Variants in SZT2 observed in about 807,000 individuals in gnomAD.
The protein encoded by SZT2 is SZT2 subunit of KICSTOR complex.
A neutral mutation model predicts 404.2 loss-of-function variants in SZT2; 216 were observed. The ratio of observed to expected loss-of-function variants is 0.53; its 90% confidence interval spans 0.48 to 0.60. The LOEUF is 0.60. Among genes scored for constraint, SZT2 ranks in the 20% least tolerant of loss-of-function variants. The pLI is 0.00. For missense variants in SZT2, 3,857 were observed against 4,459.2 expected (o/e 0.86, Z 3.85); for synonymous variants, 1,693 against 1,749.9 (o/e 0.97, Z 0.81).
At position 43,447,860 on chromosome 1, in the gene SZT2, A is replaced by G. The variant is rs143392721; in HGVS notation, c.9452A>G (p.Tyr3151Cys). 46 of 1,613,978 alleles carry G rather than the reference A, an allele frequency of 2.9e-5. No homozygotes were observed. In the African/African-American group the frequency reaches 6.0e-4, roughly 21 times the overall value. The change falls in exon 68 of 72, where the codon TAC becomes TGC. Residue 3151 changes from tyrosine to cysteine, a missense_variant. Around this residue, in one of 7 missense-constraint regions of SZT2, gnomAD observed 717 missense variants for 868.2 expected, o/e 0.83. Coordinates refer to ENST00000634258, the MANE Select transcript of SZT2 (RefSeq NM_001365999.1). ...LVSAWHSSGSYLDSEGLRHQD... is the reference protein window; with the variant it reads ...LVSAWHSSGSCLDSEGLRHQD... ...CCCGTCCTGCACAGTTCTGGCTCCT[A>G]CCTGGACTCTGAGGGACTTCGACAC...
chr1:43,420,690 C>G lies in SZT2; in HGVS notation c.1262-59C>G, dbSNP rs964187887. 4 of 1,513,910 alleles carry G rather than the reference C, an allele frequency of 2.6e-6. No homozygotes were observed. The African/African-American group carries it at 4.1e-5, about 16-fold the overall frequency. The allele number at this position is 1,513,910 out of a possible 1,614,324, so 93.8% of individuals were successfully genotyped here. ...GTAGGTGGGGGTTTCAGATAGAACT[C>G]GATCCCAGGCCTAGAGTCCTATGCC... On this transcript the variant is annotated intron_variant, in intron 9 of 71. Transcript: ENST00000634258. The surrounding 1 kb of genome is among the most constrained non-coding windows in gnomAD (Gnocchi z 5.1).
At chr1:43,427,940 CTAA>C in intron 26 of SZT2, 60 bp from the exon 27 acceptor site, 3 of 1,452,734 alleles carry the variant, frequency 2.1e-6, no homozygotes, top group Non-Finnish European at 2.9e-6. Flanking sequence ...GTGTGGATGG[CTAA>C]TGAGTGTGAG....
intron 7 of SZT2, among the ~76,000 whole-genome samples, chr1:43,418,661 G>A (rs371608324): frequency 3.3e-5 from 5 of 152,176 alleles, no homozygotes; most frequent in South Asian, 2.1e-4. Context: ...GGCTATGATC[G>A]TAGTTGGGGT....
At chr1:43,434,326 A>C in intron 40 of SZT2, 60 bp from the exon 41 acceptor site, 1 of 1,399,534 alleles carries the variant, frequency 7.1e-7, no homozygotes, top group Non-Finnish European at 9.9e-7. Context: ...TATACATATC[A>C]TGCCATTACA....
intron 5 of SZT2, 120 bp from the exon 6 acceptor site, chr1:43,415,840 G>A: frequency 8.5e-7 from 1 of 1,172,864 alleles, no homozygotes; most frequent in Non-Finnish European, 1.2e-6. Context: ...GGGGAATTGA[G>A]GTTCTCACAG....
At position 43,453,574 on chromosome 1, in the gene SZT2, C is replaced by T; in HGVS notation, c.*3094C>T. 1 of 1,518,156 alleles carries T rather than the reference C, an allele frequency of 6.6e-7. No individual in the cohort carries two copies. Among genetic ancestry groups the T allele is most frequent in the Non-Finnish European group, 8.8e-7 (1 of 1,131,004 alleles). The allele number at this position is 1,518,156 out of a possible 1,614,324, so 94.0% of individuals were successfully genotyped here. ...CCCCGGCACCCCCCAGCCCTCCCAG[C>T]CCTCCCGGCCCGCGACGCACCCGGG... On this transcript the variant is annotated 3_prime_UTR_variant, in exon 72 of 72. Transcript: ENST00000634258.
At chr1:43,443,532 C>A in intron 61 of SZT2, 55 bp downstream of exon 61, 1 of 1,613,436 alleles carries the variant, frequency 6.2e-7, no homozygotes, top group Admixed American at 1.7e-5. Context: ...CAGTGACCCC[C>A]CTCCTCCATC....
intron 1 of SZT2, among the ~76,000 whole-genome samples, chr1:43,393,311 T>G (rs1158444333): frequency 6.6e-6 from 1 of 152,228 alleles, no homozygotes; most frequent in Admixed American, 6.5e-5. Flanking sequence ...ACTTACTGAA[T>G]GCTTACTGAG....
chr1:43,453,436 T>G lies in SZT2; in HGVS notation c.*2956T>G. 3 of 1,563,202 alleles carry G rather than the reference T, an allele frequency of 1.9e-6. No individual in the cohort carries two copies. The highest frequency in any genetic ancestry group is 2.6e-6 in the Non-Finnish European group (3 of 1,152,824). On this transcript the variant is annotated 3_prime_UTR_variant, in exon 72 of 72. Transcript: ENST00000634258. The stretch of plus-strand genomic sequence containing the variant: ...ACCGCACGGCCTGCTCCAGTCCCTC[T>G]CGGAAGGCCGCCTGTCTCCCGGGGA...
At position 43,437,060 on chromosome 1, in the gene SZT2, C is replaced by G; in HGVS notation, c.6035-111C>G. 1 of 1,372,418 alleles carries G rather than the reference C, an allele frequency of 7.3e-7. No individual in the cohort carries two copies. The allele number at this position is 1,372,418 out of a possible 1,614,324, so 85.0% of individuals were successfully genotyped here. On this transcript the variant is annotated intron_variant, in intron 42 of 71. Transcript: ENST00000634258. The surrounding 1 kb of genome is among the most constrained non-coding windows in gnomAD (Gnocchi z 5.3). ...ATGATCATCATTTCTCTGCAATAGT[C>G]AGGGATGAGTCTGGAGGAGTGAGGA...
In SZT2 at chr1:43,437,761, C is replaced by G. The variant is rs1465269611; in HGVS notation, c.6397-30C>G. 1 of 1,614,116 alleles carries G rather than the reference C, an allele frequency of 6.2e-7. No homozygotes were observed. The highest frequency in any genetic ancestry group is 1.7e-5 in the Admixed American group (1 of 60,018). ...TCCTCTTGCACTTTGCTCTCTGGAA[C>G]CGGGGCCCTGACCACAGTTTTCCCT... On this transcript the variant is annotated intron_variant, in intron 45 of 71. Transcript: ENST00000634258. The surrounding 1 kb of genome is among the most constrained non-coding windows in gnomAD (Gnocchi z 5.3).
Position 43,420,169 on chromosome 1 carries a change from A to G in SZT2, c.1107A>G (p.Leu369=), listed in dbSNP as rs533632273. The stretch of plus-strand genomic sequence containing the variant: ...GTCTTCCAGGCTCTCAGCACCGCCT[A>G]TTTAATGAGCACCTGGTCTCTGCAA... The part of the protein sequence containing the change: ...PEYYCGSQHR[L]FNEHLVSASS... The change falls in exon 9 of 72, where the codon CTA becomes CTG. Residue 369 remains leucine (L), a synonymous_variant. Coordinates refer to ENST00000634258, the MANE Select transcript of SZT2 (RefSeq NM_001365999.1). The surrounding 1 kb of genome is among the most constrained non-coding windows in gnomAD (Gnocchi z 5.1). The G allele has an allele frequency of 1.6e-4, 256 of 1,598,408 alleles. No homozygotes were observed. The South Asian group carries it at 2.6e-3, about 16-fold the overall frequency.
chr1:43,420,742 C>T lies in SZT2; in HGVS notation c.1262-7C>T, dbSNP rs746404606. ...TCTCCTAACTGGCCCTTCCGCTTCT[C>T]CCTAAGGAGGGTCCCAATTGGAGGT... On this transcript the variant is annotated splice_region_variant and splice_polypyrimidine_tract_variant and intron_variant, in intron 9 of 71. Coordinates refer to ENST00000634258, the MANE Select transcript of SZT2 (RefSeq NM_001365999.1). The surrounding 1 kb of genome is among the most constrained non-coding windows in gnomAD (Gnocchi z 5.1). The T allele has an allele frequency of 8.1e-6, 13 of 1,598,250 alleles. No individual in the cohort carries two copies. Among genetic ancestry groups the T allele is most frequent in the Admixed American group, 1.7e-5 (1 of 60,004 alleles).
Position 43,424,513 on chromosome 1 carries a change from C to A in SZT2, c.2471+81C>A. ...TGGGACACTAGCAAAAAGCCTATAG[C>A]ACACACTTCTCCTCTCTAATTCCCA... On this transcript the variant is annotated intron_variant, in intron 16 of 71. Coordinates refer to ENST00000634258, the MANE Select transcript of SZT2 (RefSeq NM_001365999.1). The surrounding 1 kb of genome is among the most constrained non-coding windows in gnomAD (Gnocchi z 4.1). 1 of 1,379,176 alleles carries A rather than the reference C, an allele frequency of 7.3e-7. No homozygotes were observed. The highest frequency in any genetic ancestry group is 1.0e-6 in the Non-Finnish European group (1 of 994,896). 85.4% of individuals were successfully genotyped at this position (1,379,176 alleles called of 1,614,324 possible).
In SZT2 at chr1:43,438,808, T is replaced by C. The variant is rs1654740332; in HGVS notation, c.6618T>C (p.Ala2206=). ...MLVRNCKLTP[A]DVEFIQPPGS... ...TTCGGAACTGCAAGCTGACACCAGCTGATGTGGAGGTCAGCTCCCCTCTAG... is the reference window on the plus strand; with the variant it reads ...TTCGGAACTGCAAGCTGACACCAGCCGATGTGGAGGTCAGCTCCCCTCTAG... Residue 2206 remains alanine (A), a synonymous_variant, in exon 47 of 72, where the codon GCT becomes GCC. Transcript: ENST00000634258. 2 of 1,613,506 alleles carry C rather than the reference T, an allele frequency of 1.2e-6. No homozygotes were observed. Among genetic ancestry groups the C allele is most frequent in the Non-Finnish European group, 1.7e-6 (2 of 1,179,526 alleles).
rs1435074143 is a variant in SZT2, at chr1:43,437,726, G to C, written c.6396+26G>C. 6.2e-7 allele frequency: 1 copy of C among 1,614,048 alleles called. No individual in the cohort carries two copies. Among genetic ancestry groups the C allele is most frequent in the Non-Finnish European group, 8.5e-7 (1 of 1,179,982 alleles). On this transcript the variant is annotated intron_variant, in intron 45 of 71. Coordinates refer to ENST00000634258, the MANE Select transcript of SZT2 (RefSeq NM_001365999.1). The surrounding 1 kb of genome is among the most constrained non-coding windows in gnomAD (Gnocchi z 5.3). ...GCATGTATCACTCCCACTCTCTGAT[G>C]CCCCTGTGTTCCTCTTGCACTTTGC...
rs768933009 is a variant in SZT2, at chr1:43,441,539, G to T, written c.7547G>T (p.Gly2516Val). 2 of 1,614,136 alleles carry T rather than the reference G, an allele frequency of 1.2e-6. No individual in the cohort carries two copies. Among genetic ancestry groups the T allele is most frequent in the Non-Finnish European group, 1.7e-6 (2 of 1,180,030 alleles). ...RTTQLEEGEV[G>V]TLHPVFARVA... ...ACACAGCTAGAAGAGGGTGAGGTGG[G>T]GACCCTTCATCCTGTGTTTGCCCGT... The change falls in exon 54 of 72, where the codon GGG becomes GTG. Residue 2516 changes from glycine to valine, a missense_variant. Physicochemically the swap from Gly to Val is moderately radical, Grantham distance 109 (BLOSUM62 -3). Coordinates refer to ENST00000634258, the MANE Select transcript of SZT2 (RefSeq NM_001365999.1). This position sits in a 1 kb window ranked among gnomAD's most constrained non-coding sequence, Gnocchi z 4.8.
intron 31 of SZT2, 36 bp from the exon 32 acceptor site, chr1:43,430,460 A>G: frequency 1.2e-6 from 2 of 1,607,266 alleles, no homozygotes. Context: ...TTCCACTGCC[A>G]GCCTCTCTCA....
chr1:43,453,617 A>G lies in SZT2; in HGVS notation c.*3137A>G, dbSNP rs1344355267. 4 of 1,504,702 alleles carry G rather than the reference A, an allele frequency of 2.7e-6. No homozygotes were observed. Among genetic ancestry groups the G allele is most frequent in the African/African-American group, 1.5e-5 (1 of 68,704 alleles). The allele number at this position is 1,504,702 out of a possible 1,614,324, so 93.2% of individuals were successfully genotyped here. ...CACCCGGGGGCGTGTTGATCAGTACAAGCCGCAGCCCCGCTTCTCGCGCGG... is the reference window on the plus strand; with the variant it reads ...CACCCGGGGGCGTGTTGATCAGTACGAGCCGCAGCCCCGCTTCTCGCGCGG... On this transcript the variant is annotated 3_prime_UTR_variant, in exon 72 of 72. Transcript: ENST00000634258.
Sources: allele counts gnomAD v4.1 joint callset (sites outside exome capture counted in the v4.1 genomes callset), GRCh38; gene constraint gnomAD v4.1.1; regional missense constraint gnomAD v4.1.1; non-coding constraint Gnocchi (gnomAD v3.1); transcripts MANE v1.5; gene names NCBI Gene and HGNC (gene_info 2026-07-23, HGNC 2026-07-21).